Variants in ATP2B1 observed in about 807,000 individuals in gnomAD.
ATP2B1 encodes the protein plasma membrane calcium-transporting ATPase 1.
ATP2B1 carries 14 observed loss-of-function variants against 124.2 expected under a neutral mutation model. The ratio of observed to expected loss-of-function variants is 0.11; its 90% CI spans 0.07 to 0.18. The LOEUF (loss-of-function observed/expected upper bound fraction) is 0.18. Among genes scored for constraint, ATP2B1 ranks in the 10% least tolerant of loss-of-function variants. ATP2B1 has a pLI of 1.00. For synonymous variants in ATP2B1, 449 were observed against 492.4 expected (o/e 0.91, Z 1.17); for missense variants, 763 against 1,466.1 (o/e 0.52, Z 7.83).
At chr12:89,692,565 A>G (rs1890675256) in intron 1 of ATP2B1, among the ~76,000 whole-genome samples, 1 of 152,230 alleles carries the variant, frequency 6.6e-6, no homozygotes, top group Admixed American at 6.5e-5. Flanking sequence ...ATTGTCAAAT[A>G]AAAATTACTA....
chr12:89,693,626 C>T (rs1422090403), intron 1 of ATP2B1, among the ~76,000 whole-genome samples: 1 of 152,102 alleles, frequency 6.6e-6, no homozygotes, highest in African/African-American at 2.4e-5. Flanking sequence ...TTTTCCATCA[C>T]TAAAATGTAA....
At chr12:89,666,480 T>C (rs2136469795) in intron 1 of ATP2B1, among the ~76,000 whole-genome samples, 1 of 152,340 alleles carries the variant, frequency 6.6e-6, no homozygotes, top group East Asian at 1.9e-4. Flanking sequence ...CTACTGAGTC[T>C]TGTGTAAACA....
intron 11 of ATP2B1, among the ~76,000 whole-genome samples, chr12:89,618,391 G>C (rs1199079238): frequency 2.0e-5 from 3 of 152,182 alleles, no homozygotes; most frequent in South Asian, 2.1e-4. Flanking sequence ...TGAGAAAAAT[G>C]GAAGTAAGGG....
intron 2 of ATP2B1, among the ~76,000 whole-genome samples, chr12:89,643,884 G>A (rs1884033728): frequency 6.6e-6 from 1 of 152,208 alleles, no homozygotes; most frequent in Non-Finnish European, 1.5e-5. Flanking sequence ...GAGGTTGGGA[G>A]GCCGAGGCAG....
intron 19 of ATP2B1, 109 bp downstream of exon 19, chr12:89,601,217 C>A (rs1266849776): frequency 3.8e-6 from 3 of 786,840 alleles, no homozygotes; most frequent in Non-Finnish European, 6.2e-6. Flanking sequence ...TCTTTACTCA[C>A]CACATTAACC....
intron 15 of ATP2B1, among the ~76,000 whole-genome samples, chr12:89,609,644 T>TA (rs1310791164): frequency 1.3e-5 from 2 of 152,166 alleles, no homozygotes; most frequent in East Asian, 3.8e-4. Context: ...AAAGGGTTAT[T>TA]AAAAGGTTCA....
At chr12:89,625,584 C>CA (rs10560749) in intron 8 of ATP2B1, among the ~76,000 whole-genome samples, 23 of 81,570 alleles carry the variant, frequency 2.8e-4, no homozygotes, top group African/African-American at 1.1e-3. Context: ...GACCCTGTCT[C>CA]AAAAAAAAAA....
intron 1 of ATP2B1, among the ~76,000 whole-genome samples, chr12:89,680,104 C>T (rs1889151309): frequency 6.6e-6 from 1 of 151,970 alleles, no homozygotes; most frequent in South Asian, 2.1e-4. Flanking sequence ...CACAAACTAC[C>T]AAGGAATAAA....
intron 1 of ATP2B1, among the ~76,000 whole-genome samples, chr12:89,697,237 T>G (rs568649611): frequency 6.6e-6 from 1 of 152,200 alleles, no homozygotes; most frequent in African/African-American, 2.4e-5. Context: ...AAAAAATGTC[T>G]TTATATGTCT....
rs1229575219 is a variant in ATP2B1, at chr12:89,599,404, C to T, written c.3169-105G>A. The T allele has an allele frequency of 4.9e-6, 6 of 1,218,328 alleles. No homozygotes were observed. The East Asian group carries it at 1.2e-4, about 25-fold the overall frequency. The allele number at this position is 1,218,328 out of a possible 1,614,324, so 75.5% of individuals were successfully genotyped here. On this transcript the variant is annotated intron_variant, in intron 19 of 20. Transcript: ENST00000428670. Reference sequence around the variant, plus strand: ...AAAAGTGGTGAGAGTATCCGACTATCTTTACCAATGAAGTAATGGGATCCT... The same window carrying T: ...AAAAGTGGTGAGAGTATCCGACTATTTTTACCAATGAAGTAATGGGATCCT...
At chr12:89,663,889 CT>C (rs952403319) in intron 1 of ATP2B1, among the ~76,000 whole-genome samples, 1 of 110,978 alleles carries the variant, frequency 9.0e-6, no homozygotes, top group African/African-American at 3.3e-5. Flanking sequence ...TTCCACTGTC[CT>C]TTTTTTCGAA....
rs1375283190 is a variant in ATP2B1 at position 89,654,020 on chromosome 12, C to T, written c.208+1659G>A. ...TTGAGGGCTCCTTAATGTTAGTGTC[C>T]CCTATCAATTTGATGATGATAAAAC... On this transcript the variant is annotated intron_variant, in intron 2 of 20. Coordinates refer to ENST00000428670, the MANE Select transcript of ATP2B1 (RefSeq NM_001366521.1). Among the ~76,000 whole-genome samples the T allele has an allele frequency of 2.6e-5, 4 of 152,038 alleles. No homozygotes were observed. In the East Asian group the frequency reaches 5.8e-4, roughly 22 times the overall value.
intron 11 of ATP2B1, among the ~76,000 whole-genome samples, 194 bp downstream of exon 11, chr12:89,619,805 A>G (rs1198015112): frequency 1.3e-5 from 2 of 152,172 alleles, no homozygotes; most frequent in Non-Finnish European, 2.9e-5. Flanking sequence ...ATGCTAAGAA[A>G]TAAGAGAAGC....
At chr12:89,695,148 G>A (rs180827538) in intron 1 of ATP2B1, among the ~76,000 whole-genome samples, 15 of 151,838 alleles carry the variant, frequency 9.9e-5, no homozygotes, top group Admixed American at 7.2e-4. Flanking sequence ...ATTCTAGAAC[G>A]CTTTTCTTCT....
chr12:89,629,385 GAA>G (rs1881477233), intron 6 of ATP2B1, among the ~76,000 whole-genome samples: 1 of 152,056 alleles, frequency 6.6e-6, no homozygotes, highest in African/African-American at 2.4e-5. Context: ...TCAATAAATG[GAA>G]TCATTACTGT....
At chr12:89,658,640 A>AGG (rs1489653003) in intron 1 of ATP2B1, among the ~76,000 whole-genome samples, 18 of 150,900 alleles carry the variant, frequency 1.2e-4, no homozygotes, top group Admixed American at 7.9e-4. Context: ...AGAGAGAGAG[A>AGG]GAGAGAGATA....
chr12:89,686,580 A>G (rs1327816115), intron 1 of ATP2B1, among the ~76,000 whole-genome samples: 1 of 152,148 alleles, frequency 6.6e-6, no homozygotes, highest in Admixed American at 6.6e-5. Context: ...TTTTACAGTG[A>G]GTATACTCTT....
intron 13 of ATP2B1, chr12:89,610,779 AT>A: frequency 2.5e-6 from 1 of 395,578 alleles, no homozygotes; most frequent in Non-Finnish European, 4.5e-6. Context: ...TTTATATATC[AT>A]TATGAGACCA....
At position 89,609,985 on chromosome 12, in the gene ATP2B1, A is replaced by G; in HGVS notation, c.2394T>C (p.Gly798=). ...TCTTTAGTGCTGGGCCATCATTTGT[A>G]CCATCACCAGTTACAGCTACAACCT... is the stretch of plus-strand genomic sequence containing the variant. ...QRQVVAVTGD[G]TNDGPALKKA... Residue 798 remains glycine (G), a synonymous_variant, in exon 15 of 21, where the codon GGT becomes GGC. Coordinates refer to ENST00000428670, the MANE Select transcript of ATP2B1 (RefSeq NM_001366521.1). 6.2e-7 allele frequency: 1 copy of G among 1,613,788 alleles called. No homozygotes were observed. Among genetic ancestry groups the G allele is most frequent in the East Asian group, 2.2e-5 (1 of 44,838 alleles).
Sources: allele counts gnomAD v4.1 joint callset (sites outside exome capture counted in the v4.1 genomes callset), GRCh38; gene constraint gnomAD v4.1.1; transcripts MANE v1.5; gene names NCBI Gene and HGNC (gene_info 2026-07-23, HGNC 2026-07-21).